The following PFKM variants were observed in gnomAD, a reference collection of about 807,000 sequenced individuals.
PFKM encodes the protein phosphofructokinase, muscle.
PFKM carries 58 observed loss-of-function variants against 95.5 expected under a neutral mutation model. The observed-to-expected ratio is 0.61, with a 90% CI of 0.49 to 0.76. The LOEUF (loss-of-function observed/expected upper bound fraction) is 0.76, where lower values mean the gene tolerates loss of function less well. PFKM is among the 30% of genes least tolerant of loss of function. The pLI, the probability that PFKM is intolerant of heterozygous loss-of-function variation, is 0.00. For missense variants in PFKM, 678 were observed against 1,005.4 expected (o/e 0.67, Z 4.40); for synonymous variants, 336 against 357.2 (o/e 0.94, Z 0.67).
At chr12:48,142,317 A>G (rs1211950238) in intron 17 of PFKM, 1 of 511,156 alleles carries the variant, frequency 2.0e-6, no homozygotes. Flanking sequence ...TACTAAAAAT[A>G]CAAAAACTAG....
intron 11 of PFKM, 37 bp downstream of exon 11, chr12:48,137,883 C>G (rs528891529): frequency 1.9e-6 from 3 of 1,612,506 alleles, no homozygotes; most frequent in Non-Finnish European, 1.7e-6. Flanking sequence ...TTAACACTCT[C>G]AAGCCCCTGC....
At chr12:48,112,514 T>C (rs1947286686) in intron 3 of PFKM, among the ~76,000 whole-genome samples, 1 of 152,162 alleles carries the variant, frequency 6.6e-6, no homozygotes. Flanking sequence ...CCCAGGTAAT[T>C]TGCTGAGCCT....
chr12:48,132,498 G>A lies in PFKM; in HGVS notation c.238-370G>A, dbSNP rs575656955. ...TTTGGACACAATCCAGTAATGTCAG[G>A]CCATTAGGGAGAATTTCTAAAGACT... On this transcript the variant is annotated intron_variant, in intron 4 of 22. Coordinates refer to ENST00000359794, the MANE Select transcript of PFKM (RefSeq NM_000289.6). 2.0e-5 allele frequency among the ~76,000 whole-genome samples: 3 copies of A among 152,304 alleles called. No individual in the cohort carries two copies. The South Asian group carries it at 6.2e-4, about 32-fold the overall frequency.
chr12:48,134,863 C>T, intron 8 of PFKM, 34 bp downstream of exon 8: 2 of 1,594,656 alleles, frequency 1.3e-6, no homozygotes, highest in Non-Finnish European at 1.7e-6. Flanking sequence ...TAAGAAATCC[C>T]TCACCCTGTT....
intron 18 of PFKM, among the ~76,000 whole-genome samples, 191 bp from the exon 19 acceptor site, chr12:48,143,561 AT>A (rs1268654587): frequency 1.3e-5 from 2 of 152,192 alleles, no homozygotes; most frequent in African/African-American, 4.8e-5. Flanking sequence ...GTTCTGTCTC[AT>A]TTGGAGTCAT....
upstream of PFKM, among the ~76,000 whole-genome samples, chr12:48,116,308 T>A (rs1026810730): frequency 6.6e-6 from 1 of 151,864 alleles, no homozygotes; most frequent in South Asian, 2.1e-4. Context: ...TTTCTTTTTT[T>A]CTTTTTTGAT....
At chr12:48,138,516 C>A (rs1950297267) in intron 11 of PFKM, among the ~76,000 whole-genome samples, 1 of 152,166 alleles carries the variant, frequency 6.6e-6, no homozygotes, top group Non-Finnish European at 1.5e-5. Flanking sequence ...TCAGGAGTCC[C>A]AGTTACCTGC....
chr12:48,118,516 G>C, upstream of PFKM: 1 of 1,524,256 alleles, frequency 6.6e-7, no homozygotes, highest in East Asian at 2.4e-5. Context: ...TAAGCAAGAG[G>C]AAGAGGGCAG....
intron 5 of PFKM, 40 bp downstream of exon 5, chr12:48,133,097 G>C: frequency 1.3e-6 from 2 of 1,566,144 alleles, no homozygotes; most frequent in African/African-American, 1.3e-5. Context: ...ATTTGTGTCG[G>C]TACGTGCACG....
Position 48,145,167 on chromosome 12 carries a change from T to TGGTTCCCCAGTATAGAAG in PFKM, c.2092+38_2093-25dup, listed in dbSNP as rs1366438394. On this transcript the variant is annotated intron_variant, in intron 21 of 22. Coordinates refer to ENST00000359794, the MANE Select transcript of PFKM (RefSeq NM_000289.6). This position sits in a 1 kb window ranked among gnomAD's most constrained non-coding sequence, Gnocchi z 4.3. Reference sequence around the variant, plus strand: ...GAGAGCGAGTGCCCTCTATAGAGGCTGGTTCCCCAGTATAGAAGCTGACTG... The same window carrying TGGTTCCCCAGTATAGAAG: ...GAGAGCGAGTGCCCTCTATAGAGGCTGGTTCCCCAGTATAGAAGGGTTCCCCAGTATAGAAGCTGACTG... 3.1e-6 allele frequency: 5 copies of TGGTTCCCCAGTATAGAAG among 1,610,058 alleles called. No individual in the cohort carries two copies.
upstream of PFKM, among the ~76,000 whole-genome samples, chr12:48,117,569 C>T (rs530801243): frequency 1.0e-3 from 154 of 152,266 alleles, no homozygotes; most frequent in Admixed American, 1.4e-3. Context: ...ATTTGCAGTT[C>T]GCTAATGACA....
intron 3 of PFKM, among the ~76,000 whole-genome samples, chr12:48,113,668 GC>G (rs1947412187): frequency 1.3e-5 from 2 of 152,254 alleles, no homozygotes; most frequent in African/African-American, 4.8e-5. Context: ...GTTCTTGTGT[GC>G]TGGAGATGTG....
In PFKM at chr12:48,122,769, T is replaced by C. The variant is rs772276096; in HGVS notation, c.-6T>C. On this transcript the variant is annotated splice_region_variant and 5_prime_UTR_variant, in exon 2 of 23. Transcript: ENST00000359794. Reference sequence around the variant, plus strand: ...CTGACCATTGTCTTAAATTCTAGAGTGGATCATGACCCATGAAGAGCACCA... The same window carrying C: ...CTGACCATTGTCTTAAATTCTAGAGCGGATCATGACCCATGAAGAGCACCA... The C allele has an allele frequency of 7.4e-6, 12 of 1,613,806 alleles. No individual in the cohort carries two copies. Among genetic ancestry groups the C allele is most frequent in the Non-Finnish European group, 8.5e-7 (1 of 1,179,892 alleles).
At position 48,135,969 on chromosome 12, in the gene PFKM, C is replaced by T. The variant is rs139739588; in HGVS notation, c.936+586C>T. ...AATGGTGCGACCTTGGCTCACTGCA[C>T]GCTCTGCCTCCCGGGTTCACACCAT... On this transcript the variant is annotated intron_variant, in intron 10 of 22. Transcript: ENST00000359794. Among the ~76,000 whole-genome samples the T allele has an allele frequency of 8.4e-3, 1,273 of 151,950 alleles. 13 individuals are homozygous for T. Among genetic ancestry groups the T allele is most frequent in the African/African-American group, 0.028 (1,155 of 41,438 alleles).
At chr12:48,124,491 G>A (rs563375225) in intron 2 of PFKM, among the ~76,000 whole-genome samples, 1 of 152,296 alleles carries the variant, frequency 6.6e-6, no homozygotes, top group South Asian at 2.1e-4. Flanking sequence ...AAATGAAGAA[G>A]AGCTTTTTAG....
In PFKM at chr12:48,122,872, G is replaced by A. The variant is rs747171290; in HGVS notation, c.85+13G>A. ...GGAGATGCCCAAGGTAAGGAGGAGG[G>A]GACAAAAAACATGGCTGGTGGGACT... On this transcript the variant is annotated intron_variant, in intron 2 of 22. Transcript: ENST00000359794. The A allele has an allele frequency of 1.1e-5, 18 of 1,612,838 alleles. No individual in the cohort carries two copies. The highest frequency in any genetic ancestry group is 1.3e-5 in the Non-Finnish European group (15 of 1,179,028).
In PFKM at chr12:48,134,795, A is replaced by G; in HGVS notation, c.713A>G (p.Asp238Gly). The change falls in exon 8 of 23, where the codon GAC (aspartate) becomes GGC (glycine). Residue 238 changes from aspartate (D) to glycine (G), a missense_variant. Transcript: ENST00000359794. ...VFIPECPPDDDWEEHLCRRLS... is the reference protein window; with the variant it reads ...VFIPECPPDDGWEEHLCRRLS... ...ATTCCTGAATGTCCACCAGATGACG[A>G]CTGGGAGGAACACCTTTGTCGCCGA... 1 of 1,614,104 alleles carries G rather than the reference A, an allele frequency of 6.2e-7. No homozygotes were observed. Among genetic ancestry groups the G allele is most frequent in the Non-Finnish European group, 8.5e-7 (1 of 1,179,986 alleles).
In PFKM at chr12:48,131,472, T is replaced by C. The variant is rs1949477987; in HGVS notation, c.237+79T>C. 5 of 1,000,814 alleles carry C rather than the reference T, an allele frequency of 5.0e-6. No homozygotes were observed. In the South Asian group the frequency reaches 6.4e-5, roughly 13 times the overall value. The allele number at this position is 1,000,814 out of a possible 1,614,324, so 62.0% of individuals were successfully genotyped here. On this transcript the variant is annotated intron_variant, in intron 4 of 22. Transcript: ENST00000359794. ...ACTCTGTTTTGGGCTCATGGTCTCCTAAATTCCCTGTCATGTGGTTTCATG... is the reference window on the plus strand; with the variant it reads ...ACTCTGTTTTGGGCTCATGGTCTCCCAAATTCCCTGTCATGTGGTTTCATG...
intron 1 of PFKM, among the ~76,000 whole-genome samples, chr12:48,120,996 C>A (rs1948200371): frequency 6.6e-6 from 1 of 152,190 alleles, no homozygotes; most frequent in African/African-American, 2.4e-5. Context: ...ATTAAAAATA[C>A]AAAAATTAGC....
Sources: allele counts gnomAD v4.1 joint callset (sites outside exome capture counted in the v4.1 genomes callset), GRCh38; gene constraint gnomAD v4.1.1; non-coding constraint Gnocchi (gnomAD v3.1); transcripts MANE v1.5; gene names NCBI Gene and HGNC (gene_info 2026-07-23, HGNC 2026-07-21).